Variants in ZNF248 observed in about 807,000 individuals in gnomAD.
ZNF248 encodes zinc finger protein 248.
A neutral mutation model predicts 44.3 loss-of-function variants in ZNF248; 20 were observed. That is an observed-to-expected ratio of 0.45 (90% CI 0.32 to 0.66). ZNF248 has a LOEUF of 0.66. Ranked by LOEUF, ZNF248 falls within the 30% of genes least tolerant of loss-of-function variation. The pLI, the probability that ZNF248 is intolerant of heterozygous loss-of-function variation, is 0.04. For missense variants in ZNF248, 654 were observed against 677.0 expected, an observed-to-expected ratio of 0.97 and a Z score of 0.38; for synonymous variants, 224 against 229.0, an observed-to-expected ratio of 0.98 and a Z score of 0.20.
chr10:37,804,816 T>TAA (rs1306123570), intron 6 of ZNF248, among the ~76,000 whole-genome samples: 1 of 152,176 alleles, frequency 6.6e-6, no homozygotes, highest in African/African-American at 2.4e-5. Context: ...GTCCATAAAA[T>TAA]AAGAGTATGG....
In ZNF248 at chr10:37,787,439, G is replaced by A. The variant is rs527792459; in HGVS notation, c.331-10864C>T. 7.2e-5 allele frequency among the ~76,000 whole-genome samples: 11 copies of A among 152,230 alleles called. No individual in the cohort carries two copies. In the South Asian group the frequency reaches 1.9e-3, roughly 26 times the overall value. ...GGAATAAACTTTTACTGCCCAGGATGCTATGTGTCACTGGTCAACTGATCT... is the reference window on the plus strand; with the variant it reads ...GGAATAAACTTTTACTGCCCAGGATACTATGTGTCACTGGTCAACTGATCT... On this transcript the variant is annotated intron_variant, in intron 6 of 6. Transcript: ENST00000615949.
At chr10:37,853,332 G>A (rs72791730) in intron 3 of ZNF248, among the ~76,000 whole-genome samples, 18,921 of 152,172 alleles carry the variant, frequency 0.12, 1,396 homozygotes, top group East Asian at 0.29. Flanking sequence ...CAAGGGGGAG[G>A]ATGATTTAAG....
intron 6 of ZNF248, among the ~76,000 whole-genome samples, chr10:37,802,658 G>A (rs1251844793): frequency 6.6e-6 from 1 of 152,136 alleles, no homozygotes; most frequent in Non-Finnish European, 1.5e-5. Flanking sequence ...CCTTCCTAAT[G>A]ATAGTACTTG....
intron 6 of ZNF248, among the ~76,000 whole-genome samples, chr10:37,811,555 C>T (rs1042654785): frequency 1.3e-5 from 2 of 151,876 alleles, no homozygotes; most frequent in Non-Finnish European, 2.9e-5. Context: ...AATTTCTAGG[C>T]CAGGCGCAGT....
intron 6 of ZNF248, among the ~76,000 whole-genome samples, chr10:37,790,768 AAGTT>A (rs2048426348): frequency 6.7e-6 from 1 of 149,306 alleles, no homozygotes; most frequent in African/African-American, 2.4e-5. Context: ...AAAATAAAAA[AAGTT>A]AGCCAAGTGT....
In ZNF248 at chr10:37,829,122, T is replaced by G; in HGVS notation, c.*2493A>C. 1 of 985,496 alleles carries G rather than the reference T, an allele frequency of 1.0e-6. No homozygotes were observed. Among genetic ancestry groups the G allele is most frequent in the Non-Finnish European group, 1.2e-6 (1 of 829,958 alleles). 61.0% of individuals were successfully genotyped at this position (985,496 alleles called of 1,614,324 possible). On this transcript the variant is annotated 3_prime_UTR_variant, in exon 6 of 6. Transcript: ENST00000395867. Reference sequence around the variant, plus strand: ...CCACCTGGGCTCTCCAGCAGATGTATCTGGTTGGTTTCTCCAAAGAGAGAC... The same window carrying G: ...CCACCTGGGCTCTCCAGCAGATGTAGCTGGTTGGTTTCTCCAAAGAGAGAC...
chr10:37,785,399 C>T (rs752318509), intron 6 of ZNF248, among the ~76,000 whole-genome samples: 2 of 152,130 alleles, frequency 1.3e-5, no homozygotes, highest in African/African-American at 4.8e-5. Context: ...CAGACTCACA[C>T]CAAATCATAA....
chr10:37,766,007 T>C, the ZNF248 span, among the ~76,000 whole-genome samples: 38,062 of 152,250 alleles, frequency 0.25, 4,945 homozygotes, highest in East Asian at 0.4. Context: ...GTCTCACTGA[T>C]TGCTAGCACA....
the ZNF248 span, among the ~76,000 whole-genome samples, chr10:37,763,146 T>A: frequency 6.6e-6 from 1 of 152,024 alleles, no homozygotes; most frequent in African/African-American, 2.4e-5. Flanking sequence ...AAGAAGAGTA[T>A]ATTTGGAAGA....
chr10:37,844,614 G>C (rs1208650), intron 3 of ZNF248, among the ~76,000 whole-genome samples: 2 of 152,118 alleles, frequency 1.3e-5, no homozygotes, highest in Non-Finnish European at 2.9e-5. Flanking sequence ...AAGGCAGCTG[G>C]ATAGGAGCAG....
downstream of ZNF248, among the ~76,000 whole-genome samples, chr10:37,825,074 A>T (rs2054162860): frequency 6.6e-6 from 1 of 152,134 alleles, no homozygotes; most frequent in African/African-American, 2.4e-5. Flanking sequence ...CCCAGAAATG[A>T]GAAACACTAT....
chr10:37,771,719 A>T (rs1588898310), downstream of ZNF248, among the ~76,000 whole-genome samples: 2 of 152,258 alleles, frequency 1.3e-5, no homozygotes, highest in East Asian at 3.9e-4. Context: ...GCACATGTAT[A>T]CATATGTAAC....
intron 6 of ZNF248, among the ~76,000 whole-genome samples, chr10:37,815,501 T>C (rs781632013): frequency 2.0e-5 from 3 of 152,124 alleles, no homozygotes; most frequent in Non-Finnish European, 2.9e-5. Flanking sequence ...TTGTTTTCTC[T>C]ATCTTTATTG....
At chr10:37,799,845 T>C (rs1030051580) in intron 6 of ZNF248, among the ~76,000 whole-genome samples, 5 of 152,292 alleles carry the variant, frequency 3.3e-5, no homozygotes, top group Admixed American at 3.3e-4. Flanking sequence ...ATTAGATTTG[T>C]CCTCATATTA....
the ZNF248 span, among the ~76,000 whole-genome samples, chr10:37,759,013 G>C: frequency 6.6e-6 from 1 of 152,280 alleles, no homozygotes; most frequent in East Asian, 1.9e-4. Flanking sequence ...TGCTAAAGGA[G>C]ACCACTAGGC....
chr10:37,805,905 G>T (rs1313896590), intron 6 of ZNF248, among the ~76,000 whole-genome samples: 2 of 152,080 alleles, frequency 1.3e-5, no homozygotes, highest in Non-Finnish European at 2.9e-5. Flanking sequence ...TCTTGCATTT[G>T]CAGGACAAAT....
the ZNF248 span, among the ~76,000 whole-genome samples, chr10:37,766,305 G>A: frequency 6.6e-6 from 1 of 152,242 alleles, no homozygotes; most frequent in Non-Finnish European, 1.5e-5. Flanking sequence ...CGGGCAGACT[G>A]CCTCCTCAAG....
chr10:37,785,122 T>C (rs567689351), intron 6 of ZNF248, among the ~76,000 whole-genome samples: 6 of 152,174 alleles, frequency 3.9e-5, no homozygotes, highest in Non-Finnish European at 7.3e-5. Context: ...TCATAGCAGG[T>C]TCCATCTGTT....
the ZNF248 span, among the ~76,000 whole-genome samples, chr10:37,764,554 G>T: frequency 6.6e-6 from 1 of 152,086 alleles, no homozygotes; most frequent in Admixed American, 6.5e-5. Context: ...AAAACTTGCT[G>T]GTTTTGTGGC....
Sources: gnomAD v4.1 joint callset for allele counts (sites outside exome capture counted in the v4.1 genomes callset) on GRCh38, gnomAD v4.1.1 for gene constraint, MANE v1.5 for transcripts, NCBI Gene and HGNC (gene_info 2026-07-23, HGNC 2026-07-21) for gene names.